Variants in FHOD3 observed in about 807,000 individuals in gnomAD.
The protein encoded by FHOD3 is formin homology 2 domain containing 3.
In FHOD3, 90 loss-of-function variants were observed where a neutral mutation model predicts 173.0. The observed-to-expected ratio is 0.52, with a 90% CI of 0.44 to 0.62. FHOD3 has a LOEUF of 0.62. Among genes scored for constraint, FHOD3 ranks in the 20% least tolerant of loss-of-function variants. FHOD3 has a pLI of 0.00. For synonymous variants in FHOD3, 828 were observed against 823.0 expected (o/e 1.01, Z -0.10); for missense variants, 1,945 against 2,034.7 (o/e 0.96, Z 0.85).
At chr18:36,345,728 A>G (rs1193126974) in intron 1 of FHOD3, among the ~76,000 whole-genome samples, 1 of 152,232 alleles carries the variant, frequency 6.6e-6, no homozygotes, top group African/African-American at 2.4e-5. Flanking sequence ...CATGCCAAAC[A>G]CAGAGAATAC....
At chr18:36,351,796 C>T (rs928219007) in intron 1 of FHOD3, among the ~76,000 whole-genome samples, 88 of 152,266 alleles carry the variant, frequency 5.8e-4, no homozygotes, top group African/African-American at 2.0e-3. Flanking sequence ...AGATATTTGT[C>T]TTGGGCTACT....
chr18:36,751,112 G>T (rs1245802299), intron 24 of FHOD3, among the ~76,000 whole-genome samples: 1 of 152,214 alleles, frequency 6.6e-6, no homozygotes, highest in Non-Finnish European at 1.5e-5. Context: ...CAATTCATGA[G>T]CATGGGATAT....
intron 1 of FHOD3, among the ~76,000 whole-genome samples, chr18:36,320,193 G>A (rs1193078807): frequency 6.6e-6 from 1 of 152,120 alleles, no homozygotes; most frequent in Non-Finnish European, 1.5e-5. Context: ...ATGAATCCAG[G>A]AGCTGGTTTT....
At chr18:36,605,145 G>T (rs1451626953) in intron 8 of FHOD3, among the ~76,000 whole-genome samples, 1 of 152,116 alleles carries the variant, frequency 6.6e-6, no homozygotes, top group Non-Finnish European at 1.5e-5. Context: ...TTGATTTGAA[G>T]CAATTTTCTG....
intron 3 of FHOD3, among the ~76,000 whole-genome samples, chr18:36,482,852 CACACACAGAGAGAGAG>C (rs1225047050): frequency 2.6e-4 from 26 of 101,234 alleles, no homozygotes; most frequent in African/African-American, 9.4e-4. Context: ...CACACTCACA[CACACACAGAGAGAGAG>C]AGAGAGAGAG....
chr18:36,715,720 A>G (rs2040412514), intron 18 of FHOD3, among the ~76,000 whole-genome samples: 1 of 152,236 alleles, frequency 6.6e-6, no homozygotes. Flanking sequence ...GACAGATTTG[A>G]TAGTCATAAG....
chr18:36,430,533 T>C (rs1209124876), intron 3 of FHOD3, among the ~76,000 whole-genome samples: 1 of 152,244 alleles, frequency 6.6e-6, no homozygotes, highest in Admixed American at 6.5e-5. Flanking sequence ...ATTTTTAAAA[T>C]TTTAAAAATG....
intron 5 of FHOD3, among the ~76,000 whole-genome samples, chr18:36,562,739 G>A (rs1220161632): frequency 6.6e-6 from 1 of 152,184 alleles, no homozygotes; most frequent in Non-Finnish European, 1.5e-5. Context: ...CTCAAGCACA[G>A]CCTTTAAAGT....
intron 5 of FHOD3, 91 bp from the exon 6 acceptor site, chr18:36,576,358 TAA>T (rs1010366074): frequency 1.5e-4 from 126 of 818,398 alleles, no homozygotes; most frequent in Non-Finnish European, 2.3e-4. Context: ...ACTGTGTACT[TAA>T]AGTATGAAAA....
chr18:36,678,553 AAAG>A (rs2038026358), intron 14 of FHOD3, among the ~76,000 whole-genome samples: 1 of 121,484 alleles, frequency 8.2e-6, no homozygotes, highest in African/African-American at 2.8e-5. Context: ...AAAAAAGAAG[AAAG>A]AAAGAAAGAA....
chr18:36,355,186 C>T (rs1006665318), intron 1 of FHOD3, among the ~76,000 whole-genome samples: 2 of 152,160 alleles, frequency 1.3e-5, no homozygotes, highest in African/African-American at 2.4e-5. Flanking sequence ...TGACTCAATC[C>T]ATGGTCACAG....
Position 36,409,515 on chromosome 18 carries a change from C to T in FHOD3, c.337+36771C>T, listed in dbSNP as rs951248573. ...GGGTTTGTGTTCCCAGGAACCTTCCCGTGTTATTGTTGATTCATTTCCCCC... is the reference window on the plus strand; with the variant it reads ...GGGTTTGTGTTCCCAGGAACCTTCCTGTGTTATTGTTGATTCATTTCCCCC... On this transcript the variant is annotated intron_variant, in intron 3 of 28. Transcript: ENST00000590592. Among the ~76,000 whole-genome samples the T allele has an allele frequency of 9.2e-5, 14 of 152,100 alleles. No homozygotes were observed. In the East Asian group the frequency reaches 1.5e-3, roughly 17 times the overall value.
chr18:36,372,131 T>C (rs1159532750), intron 2 of FHOD3, among the ~76,000 whole-genome samples: 5 of 152,184 alleles, frequency 3.3e-5, no homozygotes, highest in African/African-American at 1.2e-4. Context: ...GTGGTGTAAA[T>C]TGACGTTTCT....
At chr18:36,539,124 A>G (rs2057107322) in intron 5 of FHOD3, among the ~76,000 whole-genome samples, 1 of 152,230 alleles carries the variant, frequency 6.6e-6, no homozygotes, top group Non-Finnish European at 1.5e-5. Flanking sequence ...ACCCAAGAAA[A>G]CACCACACAA....
chr18:36,364,388 C>T (rs1046326718), intron 2 of FHOD3, among the ~76,000 whole-genome samples: 2 of 152,070 alleles, frequency 1.3e-5, no homozygotes, highest in African/African-American at 2.4e-5. Flanking sequence ...AGGAAAGGGA[C>T]GAAGGGAGTG....
chr18:36,411,492 T>G (rs1231320482), intron 3 of FHOD3, among the ~76,000 whole-genome samples: 1 of 152,254 alleles, frequency 6.6e-6, no homozygotes, highest in Non-Finnish European at 1.5e-5. Context: ...ATTCTGGCTC[T>G]TAAGACAATA....
intron 3 of FHOD3, among the ~76,000 whole-genome samples, chr18:36,377,858 C>T (rs1446418763): frequency 3.3e-5 from 5 of 152,176 alleles, no homozygotes; most frequent in Non-Finnish European, 1.5e-5. Flanking sequence ...TTCATTGACT[C>T]CAGGCCCTGG....
At chr18:36,468,709 C>T (rs1568312265) in intron 3 of FHOD3, among the ~76,000 whole-genome samples, 1 of 152,128 alleles carries the variant, frequency 6.6e-6, no homozygotes, top group Non-Finnish European at 1.5e-5. Context: ...AGGTTGGTGG[C>T]AGAGCTCAGT....
intron 3 of FHOD3, among the ~76,000 whole-genome samples, chr18:36,463,122 G>A (rs2040259496): frequency 6.6e-6 from 1 of 151,830 alleles, no homozygotes; most frequent in Admixed American, 6.6e-5. Flanking sequence ...TGACAACTAT[G>A]TTAATGGGAA....
Sources: allele counts gnomAD v4.1 joint callset (sites outside exome capture counted in the v4.1 genomes callset), GRCh38; gene constraint gnomAD v4.1.1; transcripts MANE v1.5; gene names NCBI Gene and HGNC (gene_info 2026-07-23, HGNC 2026-07-21).